STT3B: variants seen among roughly 807,000 people sequenced by gnomAD.
The protein encoded by STT3B is dolichyl-diphosphooligosaccharide--protein glycosyltransferase subunit STT3B.
STT3B carries 29 observed loss-of-function variants against 96.8 expected under a neutral mutation model. The ratio of observed to expected loss-of-function variants is 0.30; its 90% confidence interval spans 0.22 to 0.41. The LOEUF (loss-of-function observed/expected upper bound fraction) is 0.41, where lower values mean the gene tolerates loss of function less well. Ranked by LOEUF, STT3B falls within the 10% of genes least tolerant of loss-of-function variation. STT3B has a pLI of 1.00. For missense variants in STT3B, 640 were observed against 1,022.3 expected (o/e 0.63, Z 5.10); for synonymous variants, 367 against 360.0 (o/e 1.02, Z -0.22).
At chr3:31,586,472 C>A (rs4128185) in intron 3 of STT3B, among the ~76,000 whole-genome samples, 1 of 151,980 alleles carries the variant, frequency 6.6e-6, no homozygotes, top group Non-Finnish European at 1.5e-5. Context: ...TTTGCCTACC[C>A]TAAATCACAA....
At chr3:31,551,409 G>T (rs559114090) in intron 1 of STT3B, among the ~76,000 whole-genome samples, 1 of 152,018 alleles carries the variant, frequency 6.6e-6, no homozygotes, top group Admixed American at 6.5e-5. Context: ...GTAGAGACAG[G>T]TTTTGCCATG....
chr3:31,607,848 C>T (rs1480967084), intron 5 of STT3B, among the ~76,000 whole-genome samples: 1 of 152,078 alleles, frequency 6.6e-6, no homozygotes, highest in Non-Finnish European at 1.5e-5. Flanking sequence ...GGTCCTCCCA[C>T]CTCCGCCTTC....
rs563098573 is a variant in STT3B at position 31,550,125 on chromosome 3, G to A, written c.314+16813G>A. 3.2e-4 allele frequency among the ~76,000 whole-genome samples: 48 copies of A among 151,990 alleles called. No individual in the cohort carries two copies. In the South Asian group the frequency reaches 4.8e-3, roughly 15 times the overall value. ...AGAATAGACCCTCCTTTTTCAAATG[G>A]ATACTGATAAAAATTGACAGCTGTC... is the stretch of plus-strand genomic sequence containing the variant. On this transcript the variant is annotated intron_variant, in intron 1 of 15. Coordinates refer to ENST00000295770, the MANE Select transcript of STT3B (RefSeq NM_178862.3).
chr3:31,632,467 G>T (rs923861859), intron 14 of STT3B, among the ~76,000 whole-genome samples: 1 of 152,156 alleles, frequency 6.6e-6, no homozygotes, highest in African/African-American at 2.4e-5. Flanking sequence ...AAGGAGATTT[G>T]TCAGTCACTA....
chr3:31,547,539 G>A (rs946842448), intron 1 of STT3B, among the ~76,000 whole-genome samples: 8 of 152,050 alleles, frequency 5.3e-5, no homozygotes, highest in East Asian at 1.9e-4. Context: ...CCAGCTACTC[G>A]AGAGGCTGAG....
At chr3:31,548,331 CAG>C (rs1375202003) in intron 1 of STT3B, among the ~76,000 whole-genome samples, 1 of 150,412 alleles carries the variant, frequency 6.6e-6, no homozygotes, top group African/African-American at 2.4e-5. Context: ...CCATTTAAAA[CAG>C]GGAAAAAAAA....
intron 2 of STT3B, among the ~76,000 whole-genome samples, chr3:31,579,414 G>A (rs1213524036): frequency 7.3e-6 from 1 of 137,028 alleles, no homozygotes; most frequent in Non-Finnish European, 1.5e-5. Context: ...ACAAGTATGG[G>A]CAAAATTGGA....
At chr3:31,555,624 A>G (rs1234579624) in intron 1 of STT3B, among the ~76,000 whole-genome samples, 4 of 151,926 alleles carry the variant, frequency 2.6e-5, no homozygotes, top group African/African-American at 4.8e-5. Context: ...TCCAATCTCA[A>G]CTTATTTATA....
intron 1 of STT3B, among the ~76,000 whole-genome samples, chr3:31,548,482 A>G (rs964618416): frequency 1.3e-5 from 2 of 152,196 alleles, no homozygotes; most frequent in South Asian, 2.1e-4. Flanking sequence ...CTCAAAATAA[A>G]TTTTAAAATA....
chr3:31,574,756 A>G (rs1698229362), intron 1 of STT3B, among the ~76,000 whole-genome samples: 1 of 152,126 alleles, frequency 6.6e-6, no homozygotes, highest in African/African-American at 2.4e-5. Flanking sequence ...GGTTCCACTG[A>G]GAAGGTATTA....
At position 31,632,856 on chromosome 3, in the gene STT3B, T is replaced by C. The variant is rs911647722; in HGVS notation, c.2188-79T>C. ...AGTTTAAAGGGAGAAGGTATTACTG[T>C]AATGATAACACTTACTGTCTTATAA... On this transcript the variant is annotated intron_variant, in intron 14 of 15. Transcript: ENST00000295770. The C allele has an allele frequency of 4.2e-5, 51 of 1,226,702 alleles. No individual in the cohort carries two copies. In the South Asian group the frequency reaches 6.0e-4, roughly 14 times the overall value. 76.0% of individuals were successfully genotyped at this position (1,226,702 alleles called of 1,614,324 possible).
intron 5 of STT3B, among the ~76,000 whole-genome samples, chr3:31,609,783 T>C (rs899195476): frequency 2.0e-5 from 3 of 152,060 alleles, no homozygotes; most frequent in African/African-American, 7.2e-5. Flanking sequence ...TTAGTGGAGA[T>C]GGGGTTTCAC....
rs1238318170 is a variant in STT3B at position 31,617,085 on chromosome 3, AT to A, written c.1123+11del. 9 of 1,592,550 alleles carry A rather than the reference AT, an allele frequency of 5.7e-6. No individual in the cohort carries two copies. The highest frequency in any genetic ancestry group is 7.7e-6 in the Non-Finnish European group (9 of 1,165,478). The stretch of plus-strand genomic sequence containing the variant: ...TATTTGACTTATACAGGTACGTGTT[AT>A]CACCTGTAGGGTGTGAATATTGTCT... On this transcript the variant is annotated intron_variant, in intron 7 of 15. Coordinates refer to ENST00000295770, the MANE Select transcript of STT3B (RefSeq NM_178862.3).
At chr3:31,627,138 G>A (rs897455301) in intron 13 of STT3B, among the ~76,000 whole-genome samples, 5 of 152,072 alleles carry the variant, frequency 3.3e-5, no homozygotes, top group Admixed American at 6.6e-5. Flanking sequence ...CCCAGGCAGC[G>A]GACCAGCACT....
At chr3:31,622,998 A>G (rs1016694546) in intron 10 of STT3B, among the ~76,000 whole-genome samples, 3 of 152,206 alleles carry the variant, frequency 2.0e-5, no homozygotes, top group South Asian at 2.1e-4. Context: ...CTTTCCTTCT[A>G]TAAGATGAAT....
chr3:31,613,067 A>T (rs1278995173), intron 5 of STT3B, among the ~76,000 whole-genome samples: 1 of 152,162 alleles, frequency 6.6e-6, no homozygotes, highest in Non-Finnish European at 1.5e-5. Context: ...CAGAATGTGG[A>T]GTAGTAAGAG....
At chr3:31,591,445 A>G (rs1298085957) in intron 3 of STT3B, among the ~76,000 whole-genome samples, 1 of 152,070 alleles carries the variant, frequency 6.6e-6, no homozygotes, top group Non-Finnish European at 1.5e-5. Context: ...TTTGATTTGC[A>G]CCTGCCATTT....
chr3:31,632,847 G>A lies in STT3B; in HGVS notation c.2188-88G>A, dbSNP rs187379932. 152 of 1,096,688 alleles carry A rather than the reference G, an allele frequency of 1.4e-4. 1 individual carries two copies. In the East Asian group the frequency reaches 3.3e-3, roughly 24 times the overall value. 67.9% of individuals were successfully genotyped at this position (1,096,688 alleles called of 1,614,324 possible). A position where few individuals can be genotyped will look rare whatever the true frequency, so the allele number is the denominator to read the frequency against. On this transcript the variant is annotated intron_variant, in intron 14 of 15. Transcript: ENST00000295770. ...TGTTTTCCTAGTTTAAAGGGAGAAGGTATTACTGTAATGATAACACTTACT... is the reference window on the plus strand; with the variant it reads ...TGTTTTCCTAGTTTAAAGGGAGAAGATATTACTGTAATGATAACACTTACT...
intron 3 of STT3B, 119 bp from the exon 4 acceptor site, chr3:31,596,677 CAG>C: frequency 1.4e-6 from 1 of 691,230 alleles, no homozygotes; most frequent in Non-Finnish European, 2.5e-6. Context: ...TGAATAACCA[CAG>C]TATTTTTTAG....
Sources: gnomAD v4.1 joint callset for allele counts (sites outside exome capture counted in the v4.1 genomes callset) on GRCh38, gnomAD v4.1.1 for gene constraint, MANE v1.5 for transcripts, NCBI Gene and HGNC (gene_info 2026-07-23, HGNC 2026-07-21) for gene names.